The following MPP2 variants were observed in gnomAD, a reference collection of about 807,000 sequenced individuals.
MPP2 encodes MAGUK p55 subfamily member 2.
Under a neutral mutation model 58.5 loss-of-function variants are expected in MPP2, and 42 were observed. The ratio of observed to expected loss-of-function variants is 0.72; its 90% CI spans 0.56 to 0.93. The LOEUF is 0.93. MPP2 is among the 40% of genes least tolerant of loss of function. The probability of loss-of-function intolerance (pLI) is 0.00; values close to 1 mark genes in which losing one functional copy is unlikely to be tolerated. For synonymous variants in MPP2, 300 were observed against 307.8 expected (o/e 0.97, Z 0.26); for missense variants, 632 against 760.4 (o/e 0.83, Z 1.99).
In MPP2 at chr17:43,877,766, G is replaced by C. The variant is rs759848874; in HGVS notation, c.*41C>G. On this transcript the variant is annotated 3_prime_UTR_variant, in exon 13 of 13. Coordinates refer to ENST00000269095, the MANE Select transcript of MPP2 (RefSeq NM_005374.5). Reference sequence around the variant, plus strand: ...CAGGAGGGGGATGGATTCAGGTTCTGGGTTTCAACACAGAGTGAGCCAAAG... The same window carrying C: ...CAGGAGGGGGATGGATTCAGGTTCTCGGTTTCAACACAGAGTGAGCCAAAG... The C allele has an allele frequency of 6.4e-7, 1 of 1,558,972 alleles. No homozygotes were observed. The highest frequency in any genetic ancestry group is 8.8e-7 in the Non-Finnish European group (1 of 1,134,520).
chr17:43,900,408 T>C, intron 2 of MPP2: 1 of 1,527,358 alleles, frequency 6.5e-7, no homozygotes, highest in South Asian at 1.2e-5. Flanking sequence ...GCCCCGACTC[T>C]GCTGGAGGAA....
chr17:43,888,809 G>A (rs1216176411), intron 3 of MPP2, among the ~76,000 whole-genome samples: 2 of 152,084 alleles, frequency 1.3e-5, no homozygotes, highest in Admixed American at 1.3e-4. Context: ...GCCACCCCTG[G>A]ACGTTTTATA....
chr17:43,889,576 GC>G (rs1360977778), intron 3 of MPP2, among the ~76,000 whole-genome samples: 1 of 151,524 alleles, frequency 6.6e-6, no homozygotes, highest in African/African-American at 2.4e-5. Context: ...GGTGAGGCTG[GC>G]CTTGAACTCC....
At chr17:43,907,005 G>T in intron 1 of MPP2, 1 of 221,910 alleles carries the variant, frequency 4.5e-6, no homozygotes, top group Non-Finnish European at 7.6e-6. Context: ...GCGCCCTTCT[G>T]CGGACCCCCT....
At chr17:43,909,674 C>A (rs138723405), upstream of MPP2, 1 of 1,290,832 alleles carries the variant, frequency 7.7e-7, no homozygotes, top group Non-Finnish European at 1.0e-6. Flanking sequence ...CTGCATTCGT[C>A]GGTCAACAAG....
chr17:43,908,456 C>T (rs1299521411), upstream of MPP2, among the ~76,000 whole-genome samples: 2 of 152,208 alleles, frequency 1.3e-5, no homozygotes, highest in Non-Finnish European at 2.9e-5. Flanking sequence ...CATCTTTGGC[C>T]GGGCGCGGTG....
At chr17:43,894,451 AC>A (rs2047747641) in intron 3 of MPP2, among the ~76,000 whole-genome samples, 5 of 13,138 alleles carry the variant, frequency 3.8e-4, no homozygotes, top group African/African-American at 1.8e-3. Context: ...ATATACACAC[AC>A]ACACACACAC....
intron 1 of MPP2, among the ~76,000 whole-genome samples, 158 bp from the exon 2 acceptor site, chr17:43,904,651 G>A (rs967673752): frequency 2.0e-5 from 3 of 152,146 alleles, no homozygotes; most frequent in Non-Finnish European, 4.4e-5. Flanking sequence ...AACGGTCCTG[G>A]GAAGCAGGAA....
At chr17:43,904,747 GCT>G (rs1169810012) in intron 1 of MPP2, among the ~76,000 whole-genome samples, 170 of 152,300 alleles carry the variant, frequency 1.1e-3, no homozygotes, top group African/African-American at 3.9e-3. Context: ...AGTTCACAAA[GCT>G]AATAAGGAGA....
chr17:43,885,605 A>G (rs1379815795), intron 3 of MPP2, among the ~76,000 whole-genome samples: 1 of 152,156 alleles, frequency 6.6e-6, no homozygotes, highest in Non-Finnish European at 1.5e-5. Context: ...TTCAGTGAGA[A>G]CTTATTTCCC....
intron 2 of MPP2, chr17:43,900,620 AGCCTG>A (rs1246684579): frequency 6.8e-7 from 1 of 1,467,424 alleles, no homozygotes; most frequent in African/African-American, 1.4e-5. Flanking sequence ...CCCCAGCCAA[AGCCTG>A]GCCGGGCTGG....
intron 2 of MPP2, among the ~76,000 whole-genome samples, chr17:43,899,597 G>A (rs2048001442): frequency 6.6e-6 from 1 of 152,180 alleles, no homozygotes; most frequent in Non-Finnish European, 1.5e-5. Flanking sequence ...AAATTAACAT[G>A]GATGATAGGA....
At position 43,881,338 on chromosome 17, in the gene MPP2, G is replaced by A. The variant is rs1455422036; in HGVS notation, c.825C>T (p.Val275=). The change falls in exon 8 of 13, where the codon GTC becomes GTT. Residue 275 remains valine, a synonymous_variant. Transcript: ENST00000269095. ...DDANWWQACH[V]EGGSAGLIPS... ...GAATGAGCCCAGCACTGCCCCCTTCGACATGGCATGCCTAAAACGGACATG... is the reference window on the plus strand; with the variant it reads ...GAATGAGCCCAGCACTGCCCCCTTCAACATGGCATGCCTAAAACGGACATG... 1.1e-5 allele frequency: 17 copies of A among 1,613,920 alleles called. No homozygotes were observed. Among genetic ancestry groups the A allele is most frequent in the South Asian group, 2.2e-5 (2 of 91,084 alleles).
intron 3 of MPP2, chr17:43,884,078 C>T: frequency 1.4e-6 from 1 of 702,638 alleles, no homozygotes. Context: ...ACACAAGCCA[C>T]TTTACCCCAA....
At position 43,881,166 on chromosome 17, in the gene MPP2, T is replaced by A. The variant is rs755251793; in HGVS notation, c.920-8A>T. 3 of 1,613,502 alleles carry A rather than the reference T, an allele frequency of 1.9e-6. No individual in the cohort carries two copies. On this transcript the variant is annotated splice_polypyrimidine_tract_variant and splice_region_variant and intron_variant, in intron 8 of 12. Transcript: ENST00000269095. ...GGCTGCCGCATAGGGTCCCTGGCCA[T>A]AGGGAGATGGGTGAGTGAGGCAGAC...
chr17:43,880,236 A>G lies in MPP2; in HGVS notation c.1151-252T>C, dbSNP rs890607829. On this transcript the variant is annotated intron_variant, in intron 10 of 12. Transcript: ENST00000269095. The surrounding 1 kb of genome is among the most constrained non-coding windows in gnomAD (Gnocchi z 5.2). ...GAGAGGCTGAGGTCCAGAAAGGGCA[A>G]TGTACAGCCCAAAGCCACACAGCAA... Among the ~76,000 whole-genome samples, 1 of 152,052 alleles carries G rather than the reference A, an allele frequency of 6.6e-6. No individual in the cohort carries two copies. Among genetic ancestry groups the G allele is most frequent in the Non-Finnish European group, 1.5e-5 (1 of 68,008 alleles).
At chr17:43,881,008 C>A (rs940469521) in intron 9 of MPP2, 82 bp downstream of exon 9, 12 of 1,554,654 alleles carry the variant, frequency 7.7e-6, no homozygotes, top group South Asian at 5.7e-5. Context: ...GCCAGGCACA[C>A]GTCGTCACAG....
chr17:43,902,859 CCTT>C (rs1239954176), intron 2 of MPP2, among the ~76,000 whole-genome samples: 3 of 152,218 alleles, frequency 2.0e-5, no homozygotes, highest in Non-Finnish European at 4.4e-5. Context: ...GGGAACTTAA[CCTT>C]CTGGGGTCCT....
At position 43,876,524 on chromosome 17, in the gene MPP2, G is replaced by A. The variant is rs2046836658; in HGVS notation, c.*1283C>T. 1 of 152,256 alleles carries A rather than the reference G, an allele frequency of 6.6e-6. No individual in the cohort carries two copies. Among genetic ancestry groups the A allele is most frequent in the African/African-American group, 2.4e-5 (1 of 41,444 alleles). The allele number at this position is 152,256 out of a possible 1,614,324, so 9.4% of individuals were successfully genotyped here. ...ACATCAGGAAAGGACCAGGGCTTTG[G>A]AGTCTGGGATCAGGGTATTATAAGA... is the stretch of plus-strand genomic sequence containing the variant. On this transcript the variant is annotated 3_prime_UTR_variant, in exon 13 of 13. Transcript: ENST00000269095.
Sources: allele counts gnomAD v4.1 joint callset (sites outside exome capture counted in the v4.1 genomes callset), GRCh38; gene constraint gnomAD v4.1.1; non-coding constraint Gnocchi (gnomAD v3.1); transcripts MANE v1.5; gene names NCBI Gene and HGNC (gene_info 2026-07-23, HGNC 2026-07-21).